The following ST18 variants were observed in gnomAD, a reference collection of about 807,000 sequenced individuals.
The protein encoded by ST18 is suppression of tumorigenicity 18 protein.
Under a neutral mutation model 110.0 loss-of-function variants are expected in ST18, and 50 were observed. The observed-to-expected ratio is 0.45, with a 90% CI of 0.36 to 0.58. ST18 has a LOEUF of 0.58. Among genes scored for constraint, ST18 ranks in the 20% least tolerant of loss-of-function variants. ST18 has a pLI of 0.00. For missense variants in ST18, 1,306 were observed against 1,280.1 expected (o/e 1.02, Z -0.31); for synonymous variants, 461 against 452.4 (o/e 1.02, Z -0.24).
At chr8:52,203,283 C>T (rs945698498) in intron 8 of ST18, among the ~76,000 whole-genome samples, 1 of 152,142 alleles carries the variant, frequency 6.6e-6, no homozygotes, top group African/African-American at 2.4e-5. Flanking sequence ...GAACACTTTT[C>T]CAAGGTCACA....
intron 15 of ST18, among the ~76,000 whole-genome samples, chr8:52,157,856 C>T (rs892474732): frequency 4.6e-5 from 7 of 152,250 alleles, no homozygotes; most frequent in African/African-American, 1.2e-4. Flanking sequence ...TGCCGGGGAC[C>T]GGCACACTTA....
At chr8:52,284,289 A>C (rs1462192626) in intron 2 of ST18, among the ~76,000 whole-genome samples, 1 of 152,204 alleles carries the variant, frequency 6.6e-6, no homozygotes, top group Non-Finnish European at 1.5e-5. Context: ...AAGTGAGGTA[A>C]GGAAGCCAGC....
chr8:52,255,222 G>A lies in ST18; in HGVS notation c.-464-25145C>T, dbSNP rs543208713. On this transcript the variant is annotated intron_variant, in intron 2 of 25. Coordinates refer to ENST00000689386, the MANE Select transcript of ST18 (RefSeq NM_001352837.2). ...TGCTCTATTTCCATGACTGGCTGTC[G>A]GGATTGGACACTTGCTCGCAGGTCT... Among the ~76,000 whole-genome samples, 253 of 152,256 alleles carry A rather than the reference G, an allele frequency of 1.7e-3. 2 individuals are homozygous for A. Among genetic ancestry groups the A allele is most frequent in the African/African-American group, 5.8e-3 (239 of 41,520 alleles).
chr8:52,151,412 T>G (rs1370281242), intron 15 of ST18, among the ~76,000 whole-genome samples: 4 of 152,238 alleles, frequency 2.6e-5, no homozygotes. Flanking sequence ...TGGCCGTATC[T>G]TTCTGTCCCT....
At chr8:52,383,402 C>A (rs1432230834) in intron 2 of ST18, among the ~76,000 whole-genome samples, 2 of 152,008 alleles carry the variant, frequency 1.3e-5, no homozygotes, top group African/African-American at 2.4e-5. Flanking sequence ...TGGGTGGTAG[C>A]CCTCACCTTG....
intron 2 of ST18, among the ~76,000 whole-genome samples, chr8:52,310,593 A>G (rs1293167686): frequency 2.0e-5 from 3 of 150,934 alleles, no homozygotes; most frequent in Non-Finnish European, 4.4e-5. Context: ...GGAAAAATAG[A>G]GGGAATTTTT....
intron 2 of ST18, among the ~76,000 whole-genome samples, chr8:52,336,634 T>C (rs1343417764): frequency 6.6e-6 from 1 of 152,270 alleles, no homozygotes; most frequent in East Asian, 1.9e-4. Context: ...TTCCCATAGG[T>C]TTCCTCTATT....
rs913645974 is a variant in ST18 at position 52,217,856 on chromosome 8, C to T, written c.-111G>A. ...GTCTCTTCCACATCGCCCCAGTGCACAGATCTGGTACCTTCTTTTAGGCTG... is the reference window on the plus strand; with the variant it reads ...GTCTCTTCCACATCGCCCCAGTGCATAGATCTGGTACCTTCTTTTAGGCTG... On this transcript the variant is annotated 5_prime_UTR_variant, in exon 6 of 26. The change creates a new upstream start codon in the 5' untranslated region. Coordinates refer to ENST00000689386, the MANE Select transcript of ST18 (RefSeq NM_001352837.2). 1 of 152,192 alleles carries T rather than the reference C, an allele frequency of 6.6e-6. No homozygotes were observed. The highest frequency in any genetic ancestry group is 1.5e-5 in the Non-Finnish European group (1 of 68,028). 9.4% of individuals were successfully genotyped at this position (152,192 alleles called of 1,614,324 possible).
At chr8:52,252,179 A>G (rs892163550) in intron 2 of ST18, among the ~76,000 whole-genome samples, 1 of 152,088 alleles carries the variant, frequency 6.6e-6, no homozygotes, top group African/African-American at 2.4e-5. Flanking sequence ...TAACATTGTG[A>G]AAGCTTAAAG....
intron 8 of ST18, among the ~76,000 whole-genome samples, chr8:52,202,084 G>A (rs749428903): frequency 6.6e-6 from 1 of 152,276 alleles, no homozygotes; most frequent in South Asian, 2.1e-4. Context: ...ATTGTTATGC[G>A]GGTAGGGCTC....
intron 2 of ST18, among the ~76,000 whole-genome samples, chr8:52,349,922 G>A (rs1265302652): frequency 1.3e-5 from 2 of 152,150 alleles, no homozygotes; most frequent in African/African-American, 4.8e-5. Context: ...AGCAGGGGCT[G>A]GAGCTTTTGA....
At position 52,214,181 on chromosome 8, in the gene ST18, T is replaced by A. The variant is rs181919492; in HGVS notation, c.55+22A>T. 9 of 1,613,870 alleles carry A rather than the reference T, an allele frequency of 5.6e-6. 1 individual carries two copies. In the African/African-American group the frequency reaches 1.2e-4, roughly 22 times the overall value. On this transcript the variant is annotated intron_variant, in intron 7 of 25. Transcript: ENST00000689386. Reference sequence around the variant, plus strand: ...TCATGGTGTGGTGGGCATAGTGTCATAGAACCTGCTTGCTAACTCACCCTC... The same window carrying A: ...TCATGGTGTGGTGGGCATAGTGTCAAAGAACCTGCTTGCTAACTCACCCTC...
chr8:52,198,166 C>T (rs932832413), intron 8 of ST18, among the ~76,000 whole-genome samples: 3 of 152,100 alleles, frequency 2.0e-5, no homozygotes, highest in Non-Finnish European at 2.9e-5. Context: ...ACCACCACGC[C>T]TGGCTAATTT....
intron 24 of ST18, among the ~76,000 whole-genome samples, chr8:52,117,142 C>T (rs901924192): frequency 1.3e-5 from 2 of 152,176 alleles, no homozygotes; most frequent in Non-Finnish European, 2.9e-5. Context: ...AGACTGTTCT[C>T]CTGTGACCTG....
chr8:52,175,144 A>G (rs774175000), intron 9 of ST18, among the ~76,000 whole-genome samples: 26 of 152,156 alleles, frequency 1.7e-4, no homozygotes, highest in Admixed American at 4.6e-4. Flanking sequence ...CCGTAGGCAC[A>G]TTGAGGACAA....
At chr8:52,401,482 C>T (rs1255655796) in intron 2 of ST18, among the ~76,000 whole-genome samples, 1 of 152,084 alleles carries the variant, frequency 6.6e-6, no homozygotes, top group Non-Finnish European at 1.5e-5. Context: ...TAATGAGTGT[C>T]TTATAAATCC....
intron 17 of ST18, 118 bp from the exon 18 acceptor site, chr8:52,137,601 G>A: frequency 1.1e-6 from 1 of 903,460 alleles, no homozygotes; most frequent in Non-Finnish European, 1.7e-6. Flanking sequence ...CACAGTATAG[G>A]ACATGCAGAA....
At chr8:52,342,110 A>T (rs978415259) in intron 2 of ST18, among the ~76,000 whole-genome samples, 17 of 152,198 alleles carry the variant, frequency 1.1e-4, no homozygotes, top group African/African-American at 4.1e-4. Flanking sequence ...ACACCACAAA[A>T]CAAATGATAA....
intron 2 of ST18, among the ~76,000 whole-genome samples, chr8:52,357,678 T>C (rs1359586718): frequency 1.2e-4 from 1 of 8,316 alleles, no homozygotes; most frequent in Non-Finnish European, 2.9e-4. Flanking sequence ...AATCTATAAA[T>C]ATATATATAT....
Sources: gnomAD v4.1 joint callset for allele counts (sites outside exome capture counted in the v4.1 genomes callset) on GRCh38, gnomAD v4.1.1 for gene constraint, MANE v1.5 for transcripts, NCBI Gene and HGNC (gene_info 2026-07-23, HGNC 2026-07-21) for gene names.